CADPS2: variants seen among roughly 807,000 people sequenced by gnomAD.
CADPS2 encodes calcium dependent secretion activator 2, also known as calcium-dependent secretion activator 2.
In CADPS2, 93 loss-of-function variants were observed where a neutral mutation model predicts 172.5. That is an observed-to-expected ratio of 0.54 (90% confidence interval 0.46 to 0.64). The LOEUF (loss-of-function observed/expected upper bound fraction) is 0.64, where lower values mean the gene tolerates loss of function less well. CADPS2 is among the 30% of genes least tolerant of loss of function. The pLI, the probability that CADPS2 is intolerant of heterozygous loss-of-function variation, is 0.00. For missense variants in CADPS2, 1,420 were observed against 1,565.9 expected (o/e 0.91, Z 1.57); for synonymous variants, 546 against 555.2 (o/e 0.98, Z 0.23).
intron 1 of CADPS2, among the ~76,000 whole-genome samples, chr7:122,822,336 T>C (rs1323603012): frequency 6.6e-6 from 1 of 152,026 alleles, no homozygotes; most frequent in Non-Finnish European, 1.5e-5. Context: ...CAAATGTTTC[T>C]TCTAATATCC....
intron 1 of CADPS2, among the ~76,000 whole-genome samples, chr7:122,837,541 TAAA>T (rs1808891502): frequency 2.6e-5 from 4 of 151,470 alleles, no homozygotes; most frequent in African/African-American, 9.7e-5. Flanking sequence ...GCAAGACTAA[TAAA>T]GAAGAAAAGA....
rs1293439071 is a variant in CADPS2 at position 122,434,472 on chromosome 7, T to C, written c.2476+3869A>G. Among the ~76,000 whole-genome samples, 9 of 152,334 alleles carry C rather than the reference T, an allele frequency of 5.9e-5. No individual in the cohort carries two copies. The South Asian group carries it at 1.7e-3, about 28-fold the overall frequency. ...ACTAGGATTAGGAAGTTTCATCACT[T>C]GTCTCTCACTTCATTGTTTTCAGAT... On this transcript the variant is annotated intron_variant, in intron 17 of 29. Coordinates refer to ENST00000449022, the MANE Select transcript of CADPS2 (RefSeq NM_017954.11).
In CADPS2 at chr7:122,884,085, T is replaced by A. The variant is rs377443514; in HGVS notation, c.339+1914A>T. Among the ~76,000 whole-genome samples, 183 of 152,278 alleles carry A rather than the reference T, an allele frequency of 1.2e-3. 1 individual carries two copies. The highest frequency in any genetic ancestry group is 4.1e-3 in the African/African-American group (172 of 41,558). ...AGTATTCACAGTATAAATCAACTCATAGTAAATTTGCAAAAGCATCTTCAA... is the reference window on the plus strand; with the variant it reads ...AGTATTCACAGTATAAATCAACTCAAAGTAAATTTGCAAAAGCATCTTCAA... On this transcript the variant is annotated intron_variant, in intron 1 of 29. Coordinates refer to ENST00000449022, the MANE Select transcript of CADPS2 (RefSeq NM_017954.11).
At chr7:122,695,761 T>C (rs1001549841) in intron 2 of CADPS2, among the ~76,000 whole-genome samples, 3 of 152,288 alleles carry the variant, frequency 2.0e-5, no homozygotes, top group Middle Eastern at 3.4e-3. Context: ...GGTTATATCA[T>C]AGAAGTATGC....
chr7:122,621,459 A>G, intron 5 of CADPS2, 22 bp downstream of exon 5: 1 of 1,450,326 alleles, frequency 6.9e-7, no homozygotes, highest in Non-Finnish European at 9.6e-7. Context: ...GTCAGAGGTG[A>G]GCATGAGATA....
At chr7:122,346,133 G>A (rs1025906018) in intron 27 of CADPS2, among the ~76,000 whole-genome samples, 2 of 152,058 alleles carry the variant, frequency 1.3e-5, no homozygotes, top group African/African-American at 4.8e-5. Flanking sequence ...TTGAAAGGCT[G>A]AGGCAGGTGG....
At chr7:122,846,801 C>G (rs577871015) in intron 1 of CADPS2, among the ~76,000 whole-genome samples, 9 of 152,322 alleles carry the variant, frequency 5.9e-5, no homozygotes, top group African/African-American at 2.2e-4. Flanking sequence ...AGATGATCTT[C>G]AAGCTGGCAC....
At chr7:122,677,346 GT>G (rs762700741) in intron 2 of CADPS2, among the ~76,000 whole-genome samples, 18 of 152,212 alleles carry the variant, frequency 1.2e-4, no homozygotes, top group Non-Finnish European at 2.6e-4. Flanking sequence ...CCAGGAGACA[GT>G]GGGTAGAGGG....
intron 25 of CADPS2, among the ~76,000 whole-genome samples, chr7:122,374,408 C>CAAATAAAATA (rs144338281): frequency 2.7e-5 from 4 of 147,544 alleles, no homozygotes; most frequent in African/African-American, 1.0e-4. Context: ...AGTAAGTAGA[C>CAAATAAAATA]AAATAAAATA....
chr7:122,435,418 T>C (rs193065156), intron 17 of CADPS2, among the ~76,000 whole-genome samples: 55 of 152,276 alleles, frequency 3.6e-4, no homozygotes, highest in Admixed American at 8.5e-4. Context: ...TCAACATCAC[T>C]AATCTTCAGG....
intron 5 of CADPS2, among the ~76,000 whole-genome samples, chr7:122,618,729 C>T (rs1563871785): frequency 6.6e-6 from 1 of 152,128 alleles, no homozygotes; most frequent in Non-Finnish European, 1.5e-5. Flanking sequence ...GCAAGGCTTG[C>T]TGAAAGGACT....
chr7:122,450,784 C>T (rs540433307), intron 15 of CADPS2, among the ~76,000 whole-genome samples: 16 of 152,208 alleles, frequency 1.1e-4, no homozygotes, highest in African/African-American at 3.6e-4. Context: ...ATCAAACCCA[C>T]ATGGCCTCCC....
chr7:122,534,930 A>G (rs1371194558), intron 8 of CADPS2, among the ~76,000 whole-genome samples: 2 of 152,078 alleles, frequency 1.3e-5, no homozygotes, highest in African/African-American at 2.4e-5. Flanking sequence ...GGATGTTTCT[A>G]TAAACCAAAA....
In CADPS2 at chr7:122,621,682, C is replaced by T. The variant is rs940348350; in HGVS notation, c.903G>A (p.Met301Ile). The T allele has an allele frequency of 1.3e-6, 2 of 1,599,672 alleles. No homozygotes were observed. Among genetic ancestry groups the T allele is most frequent in the African/African-American group, 2.7e-5 (2 of 74,178 alleles). The change falls in exon 5 of 30, where the codon ATG becomes ATA. Residue 301 changes from methionine to isoleucine, a missense_variant. By Grantham distance (10) the Met-to-Ile change is conservative. Coordinates refer to ENST00000449022, the MANE Select transcript of CADPS2 (RefSeq NM_017954.11). ...GCAACTCTTCTATATACATATTCTC[C>T]ATATCTTTTGCTATAAATTTGGGGA... Reference protein sequence around the residue: ...RKFPKFIAKDMENMYIEELRS... With the variant: ...RKFPKFIAKDIENMYIEELRS...
At chr7:122,852,451 A>C (rs902273341) in intron 1 of CADPS2, among the ~76,000 whole-genome samples, 2 of 152,328 alleles carry the variant, frequency 1.3e-5, no homozygotes, top group Admixed American at 1.3e-4. Flanking sequence ...CAAAACAGGG[A>C]AGGAAAGTAG....
intron 1 of CADPS2, among the ~76,000 whole-genome samples, chr7:122,869,342 T>A (rs967050676): frequency 1.6e-4 from 25 of 152,226 alleles, no homozygotes; most frequent in Middle Eastern, 3.4e-3. Flanking sequence ...GAAAGTGACT[T>A]GTTACATACA....
chr7:122,433,915 A>C (rs2050304074), intron 17 of CADPS2, among the ~76,000 whole-genome samples: 1 of 152,134 alleles, frequency 6.6e-6, no homozygotes, highest in South Asian at 2.1e-4. Context: ...CCTCTGCCCC[A>C]GGCTTCAAAA....
intron 27 of CADPS2, 138 bp from the exon 28 acceptor site, chr7:122,345,819 T>G (rs1585150467): frequency 5.6e-6 from 3 of 536,982 alleles, no homozygotes; most frequent in Middle Eastern, 3.6e-4. Flanking sequence ...AAAGTGAGCA[T>G]CTTCAATACA....
chr7:122,777,624 C>A (rs954998683), intron 1 of CADPS2, among the ~76,000 whole-genome samples: 6 of 152,054 alleles, frequency 3.9e-5, no homozygotes, highest in African/African-American at 1.4e-4. Context: ...GAGGTGGTTA[C>A]CTCCATGCTA....
Sources: allele counts gnomAD v4.1 joint callset (sites outside exome capture counted in the v4.1 genomes callset), GRCh38; gene constraint gnomAD v4.1.1; transcripts MANE v1.5; gene names NCBI Gene and HGNC (gene_info 2026-07-23, HGNC 2026-07-21).